CIT: variants seen among roughly 807,000 people sequenced by gnomAD.
CIT encodes citron rho-interacting serine/threonine kinase.
In CIT, 79 loss-of-function variants were observed where a neutral mutation model predicts 272.7. The observed-to-expected ratio is 0.29, with a 90% CI of 0.24 to 0.35. CIT has a LOEUF of 0.35. CIT is among the 10% of genes least tolerant of loss of function. CIT has a pLI of 1.00. For synonymous variants in CIT, 948 were observed against 995.6 expected, an observed-to-expected ratio of 0.95 and a Z score of 0.90; for missense variants, 1,909 against 2,618.3, an observed-to-expected ratio of 0.73 and a Z score of 5.91.
rs1955570010 is a variant in CIT at position 119,686,145 on chromosome 12, T to A, written c.*2087A>T. ...CAATTCAATTTCCTCTTTTTTTTTT[T>A]ACGAATATAAAGTTTCTTGTAAATA... On this transcript the variant is annotated 3_prime_UTR_variant, in exon 48 of 48. Transcript: ENST00000392521. 1 of 152,406 alleles carries A rather than the reference T, an allele frequency of 6.6e-6. No individual in the cohort carries two copies. Among genetic ancestry groups the A allele is most frequent in the African/African-American group, 2.4e-5 (1 of 41,410 alleles). The allele number at this position is 152,406 out of a possible 1,614,324, so 9.4% of individuals were successfully genotyped here.
At chr12:119,695,221 G>A (rs1814440028) in intron 46 of CIT, among the ~76,000 whole-genome samples, 1 of 152,196 alleles carries the variant, frequency 6.6e-6, no homozygotes, top group African/African-American at 2.4e-5. Flanking sequence ...ATCTGTGGAA[G>A]AGTTGAAACC....
Position 119,728,517 on chromosome 12 carries a change from CTGTT to C in CIT, c.3572_3575del (p.Lys1191ArgfsTer24). The C allele has an allele frequency of 6.2e-7, 1 of 1,611,022 alleles. No individual in the cohort carries two copies. The highest frequency in any genetic ancestry group is 1.1e-5 in the South Asian group (1 of 90,416). The stretch of plus-strand genomic sequence containing the variant: ...TCACACTCACCTCTTCCAGAAGCCT[CTGTT>C]TGAGCTCTCGTTCAGTCTCCAGCTT... On this transcript the variant is annotated frameshift_variant, in exon 28 of 48. Coordinates refer to ENST00000392521, the MANE Select transcript of CIT (RefSeq NM_001206999.2). LOFTEE classifies it high-confidence loss of function. The surrounding 1 kb of genome is among the most constrained non-coding windows in gnomAD (Gnocchi z 4.3).
chr12:119,737,859 G>T (rs570848944), intron 24 of CIT, among the ~76,000 whole-genome samples: 2 of 152,248 alleles, frequency 1.3e-5, no homozygotes, highest in African/African-American at 4.8e-5. Context: ...CATTTAGCTT[G>T]TGACCTTGTT....
At chr12:119,691,656 A>C (rs1353032483) in intron 46 of CIT, among the ~76,000 whole-genome samples, 3 of 152,160 alleles carry the variant, frequency 2.0e-5, no homozygotes, top group East Asian at 3.9e-4. Context: ...CTTTTTGTAC[A>C]ACCCAACCCA....
chr12:119,807,360 C>T (rs1184889678), intron 9 of CIT, among the ~76,000 whole-genome samples: 1 of 152,212 alleles, frequency 6.6e-6, no homozygotes, highest in East Asian at 1.9e-4. Context: ...AAAATCTGGT[C>T]ACGTCCAAAA....
intron 27 of CIT, among the ~76,000 whole-genome samples, chr12:119,730,110 G>C (rs1428814591): frequency 6.6e-6 from 1 of 152,154 alleles, no homozygotes; most frequent in Non-Finnish European, 1.5e-5. Flanking sequence ...TATTACTGCA[G>C]CAATTGGATG....
intron 10 of CIT, among the ~76,000 whole-genome samples, chr12:119,796,189 A>G (rs1965716640): frequency 6.6e-6 from 1 of 152,240 alleles, no homozygotes; most frequent in African/African-American, 2.4e-5. Context: ...GCCATTAATT[A>G]TGAGCACACT....
At chr12:119,832,301 G>C (rs2138116393) in intron 7 of CIT, among the ~76,000 whole-genome samples, 1 of 152,256 alleles carries the variant, frequency 6.6e-6, no homozygotes, top group East Asian at 1.9e-4. Flanking sequence ...TTCTACCAAA[G>C]ATCCAAGACT....
At chr12:119,868,651 C>T (rs971824435) in intron 3 of CIT, among the ~76,000 whole-genome samples, 4 of 152,192 alleles carry the variant, frequency 2.6e-5, no homozygotes, top group Non-Finnish European at 4.4e-5. Flanking sequence ...GATCCTCCCA[C>T]CTCAGCCTCC....
At chr12:119,731,147 AC>A (rs1197141408) in intron 26 of CIT, among the ~76,000 whole-genome samples, 3 of 151,638 alleles carry the variant, frequency 2.0e-5, no homozygotes, top group Non-Finnish European at 4.4e-5. Context: ...AAAAACAAAA[AC>A]AAAGTTAAAT....
chr12:119,781,950 A>G (rs1964330858), intron 13 of CIT, among the ~76,000 whole-genome samples: 1 of 151,012 alleles, frequency 6.6e-6, no homozygotes, highest in South Asian at 2.1e-4. Context: ...GCCAGATAGT[A>G]AGTAGTTTCA....
In CIT at chr12:119,752,098, C is replaced by T. The variant is rs1313377355; in HGVS notation, c.2856G>A (p.Glu952=). 1.2e-6 allele frequency: 2 copies of T among 1,612,990 alleles called. No individual in the cohort carries two copies. Among genetic ancestry groups the T allele is most frequent in the East Asian group, 2.2e-5 (1 of 44,890 alleles). ...CAGCTTCTGCTGTGGTCTCTTCCAG[C>T]TCTGTCTTCGCCTGGCGAAGCTGGC... ...LESQLRQAKT[E]LEETTAEAEE... is the part of the protein sequence containing the mutation. The change falls in exon 23 of 48, where the codon GAG becomes GAA. Residue 952 remains glutamate (E), a synonymous_variant. Coordinates refer to ENST00000392521, the MANE Select transcript of CIT (RefSeq NM_001206999.2).
chr12:119,832,751 T>A lies in CIT; in HGVS notation c.753+20A>T. The stretch of plus-strand genomic sequence containing the variant: ...CTTTTTAGTATAAACTCTATTAAGC[T>A]ATCTTATTCCATTTTTTACCATCTT... On this transcript the variant is annotated intron_variant, in intron 7 of 47. Coordinates refer to ENST00000392521, the MANE Select transcript of CIT (RefSeq NM_001206999.2). The A allele has an allele frequency of 6.3e-7, 1 of 1,586,146 alleles. No homozygotes were observed. The highest frequency in any genetic ancestry group is 8.7e-7 in the Non-Finnish European group (1 of 1,154,696).
At chr12:119,774,518 G>C (rs1350677040) in intron 16 of CIT, among the ~76,000 whole-genome samples, 1 of 151,798 alleles carries the variant, frequency 6.6e-6, no homozygotes, top group Non-Finnish European at 1.5e-5. Flanking sequence ...TGAGGTGATA[G>C]ATCTGTTAGC....
intron 19 of CIT, among the ~76,000 whole-genome samples, chr12:119,763,739 G>A (rs569290326): frequency 2.0e-5 from 3 of 152,032 alleles, no homozygotes; most frequent in Admixed American, 2.0e-4. Flanking sequence ...AAAGGGAAGC[G>A]ACAATATTCA....
rs770765316 is a variant in CIT, at chr12:119,697,352, C to T, written c.5882+307G>A. ...CCCCCACAAGCCCAACAACTAGCAC[C>T]GCAGAATACCTGCTAAAGCAATAAA... On this transcript the variant is annotated intron_variant, in intron 46 of 47. Transcript: ENST00000392521. The surrounding 1 kb of genome is among the most constrained non-coding windows in gnomAD (Gnocchi z 4.9). Among the ~76,000 whole-genome samples, 7 of 152,146 alleles carry T rather than the reference C, an allele frequency of 4.6e-5. No individual in the cohort carries two copies. The highest frequency in any genetic ancestry group is 2.1e-4 in the South Asian group (1 of 4,820).
In CIT at chr12:119,850,389, G is replaced by A. The variant is rs59497831; in HGVS notation, c.415-114C>T. ...GTTTCTAGCTTTAAAAAAAAAAAAA[G>A]GCAAAGGAAAGAAGGGAAAAGAAAA... On this transcript the variant is annotated intron_variant, in intron 4 of 47. Transcript: ENST00000392521. 0.026 allele frequency: 9,200 copies of A among 350,728 alleles called. 488 individuals are homozygous for A. The highest frequency in any genetic ancestry group is 0.16 in the African/African-American group (5,214 of 31,992). 21.7% of individuals were successfully genotyped at this position (350,728 alleles called of 1,614,324 possible).
Position 119,718,575 on chromosome 12 carries a change from C to T in CIT, c.4003+124G>A. On this transcript the variant is annotated intron_variant, in intron 31 of 47. Coordinates refer to ENST00000392521, the MANE Select transcript of CIT (RefSeq NM_001206999.2). This position sits in a 1 kb window ranked among gnomAD's most constrained non-coding sequence, Gnocchi z 4.8. ...CATACGTTTTTCAGACATGGGATGT[C>T]TGGTCTGAAAGCGTATGGGCCATAA... is the stretch of plus-strand genomic sequence containing the variant. 7.0e-7 allele frequency: 1 copy of T among 1,426,924 alleles called. No individual in the cohort carries two copies. The highest frequency in any genetic ancestry group is 9.6e-7 in the Non-Finnish European group (1 of 1,041,506). 88.4% of individuals were successfully genotyped at this position (1,426,924 alleles called of 1,614,324 possible).
intron 19 of CIT, 27 bp from the exon 20 acceptor site, chr12:119,761,082 G>T (rs746741103): frequency 6.6e-7 from 1 of 1,506,958 alleles, no homozygotes; most frequent in Non-Finnish European, 9.2e-7. Flanking sequence ...AGCAGCAAAT[G>T]TTCTCAGGAG....
Sources: gnomAD v4.1 joint callset for allele counts (sites outside exome capture counted in the v4.1 genomes callset) on GRCh38, gnomAD v4.1.1 for gene constraint, Gnocchi (gnomAD v3.1) non-coding constraint, MANE v1.5 for transcripts, NCBI Gene and HGNC (gene_info 2026-07-23, HGNC 2026-07-21) for gene names.